BTRC: variants seen among roughly 807,000 people sequenced by gnomAD.
The protein encoded by BTRC is F-box/WD repeat-containing protein 1A.
Under a neutral mutation model 85.5 loss-of-function variants are expected in BTRC, and 42 were observed. That is an observed-to-expected ratio of 0.49 (90% confidence interval 0.38 to 0.64). The LOEUF is 0.64. Ranked by LOEUF, BTRC falls within the 30% of genes least tolerant of loss-of-function variation. BTRC has a pLI of 0.00. For synonymous variants in BTRC, 255 were observed against 263.3 expected (o/e 0.97, Z 0.30); for missense variants, 594 against 743.5 (o/e 0.80, Z 2.34).
chr10:101,367,669 G>T (rs1232438762), intron 1 of BTRC, among the ~76,000 whole-genome samples: 3 of 152,042 alleles, frequency 2.0e-5, no homozygotes, highest in African/African-American at 7.2e-5. Context: ...TACTGTTATT[G>T]GTATGTAAGC....
chr10:101,526,218 T>G lies in BTRC; in HGVS notation c.743+19T>G, dbSNP rs1342826597. 4 of 1,611,484 alleles carry G rather than the reference T, an allele frequency of 2.5e-6. No homozygotes were observed. The Admixed American group carries it at 6.7e-5, about 27-fold the overall frequency. On this transcript the variant is annotated intron_variant, in intron 6 of 14. Coordinates refer to ENST00000370187, the MANE Select transcript of BTRC (RefSeq NM_033637.4). ...GAGGATGGTGAGCCTTTAACTTTTC[T>G]TACTCTTATACGGCTTCAGGACCTG...
intron 4 of BTRC, among the ~76,000 whole-genome samples, chr10:101,509,289 C>T (rs1270465264): frequency 1.8e-5 from 2 of 108,612 alleles, no homozygotes; most frequent in African/African-American, 3.6e-5. Flanking sequence ...GAGTCTCGCT[C>T]TGTCGCCCAG....
intron 11 of BTRC, among the ~76,000 whole-genome samples, chr10:101,536,111 C>T (rs746799908): frequency 2.0e-5 from 3 of 152,170 alleles, no homozygotes; most frequent in Non-Finnish European, 4.4e-5. Context: ...GAAGAGCTGT[C>T]CTGGACAGTG....
intron 6 of BTRC, among the ~76,000 whole-genome samples, chr10:101,527,639 A>G (rs1009615151): frequency 6.6e-6 from 1 of 152,142 alleles, no homozygotes; most frequent in Non-Finnish European, 1.5e-5. Context: ...CTGTAATCCC[A>G]GCCACTCAGG....
intron 1 of BTRC, among the ~76,000 whole-genome samples, chr10:101,419,465 ATTG>A (rs1944038923): frequency 6.6e-6 from 1 of 152,042 alleles, no homozygotes. Flanking sequence ...TTCCAAGCTT[ATTG>A]TTGTTGGTGG....
chr10:101,398,514 A>C (rs1286198565), intron 1 of BTRC, among the ~76,000 whole-genome samples: 1 of 152,136 alleles, frequency 6.6e-6, no homozygotes, highest in Non-Finnish European at 1.5e-5. Flanking sequence ...CGTGTTAGCC[A>C]GGATGTTCTC....
At chr10:101,388,619 A>C (rs1036946751) in intron 1 of BTRC, among the ~76,000 whole-genome samples, 1 of 152,190 alleles carries the variant, frequency 6.6e-6, no homozygotes, top group South Asian at 2.1e-4. Flanking sequence ...CTTCCCAAGT[A>C]GCTGGGACTA....
chr10:101,433,516 G>A (rs1944452758), intron 2 of BTRC, among the ~76,000 whole-genome samples: 1 of 152,176 alleles, frequency 6.6e-6, no homozygotes. Context: ...GCCTAAGGAA[G>A]AGTCAGTGCA....
chr10:101,477,546 T>C (rs1446363287), intron 3 of BTRC, among the ~76,000 whole-genome samples: 1 of 152,166 alleles, frequency 6.6e-6, no homozygotes, highest in Non-Finnish European at 1.5e-5. Context: ...ACTCCTAGGC[T>C]CAAGTGATTC....
chr10:101,489,465 T>C (rs1946074207), intron 4 of BTRC, among the ~76,000 whole-genome samples: 1 of 152,204 alleles, frequency 6.6e-6, no homozygotes, highest in Non-Finnish European at 1.5e-5. Flanking sequence ...CTCTCTCGTT[T>C]GACAGTTTCA....
At chr10:101,547,220 T>G (rs1487582268) in intron 13 of BTRC, among the ~76,000 whole-genome samples, 1 of 152,112 alleles carries the variant, frequency 6.6e-6, no homozygotes, top group Non-Finnish European at 1.5e-5. Flanking sequence ...TGATTCATGC[T>G]TGAACCCGGG....
intron 13 of BTRC, among the ~76,000 whole-genome samples, chr10:101,543,216 G>T (rs191734716): frequency 1.3e-5 from 2 of 152,188 alleles, no homozygotes; most frequent in African/African-American, 2.4e-5. Context: ...GGGTACCTGC[G>T]TGCTTAGGAT....
intron 1 of BTRC, among the ~76,000 whole-genome samples, chr10:101,383,849 A>G (rs1238531612): frequency 6.6e-6 from 1 of 152,196 alleles, no homozygotes; most frequent in African/African-American, 2.4e-5. Flanking sequence ...CTATGTTGTA[A>G]TGAAAATGGT....
intron 2 of BTRC, among the ~76,000 whole-genome samples, chr10:101,453,909 T>C (rs1945010642): frequency 6.6e-6 from 1 of 152,224 alleles, no homozygotes; most frequent in Admixed American, 6.5e-5. Flanking sequence ...TGTGGCCACT[T>C]ACCTCTTCCG....
intron 4 of BTRC, among the ~76,000 whole-genome samples, chr10:101,491,849 C>T (rs1946142138): frequency 2.0e-5 from 3 of 151,976 alleles, no homozygotes; most frequent in African/African-American, 4.8e-5. Flanking sequence ...TCCTCTGTCT[C>T]GGAGAAAAGG....
At chr10:101,429,865 C>CT (rs1263164701) in intron 1 of BTRC, among the ~76,000 whole-genome samples, 3 of 123,656 alleles carry the variant, frequency 2.4e-5, no homozygotes, top group African/African-American at 8.0e-5. Context: ...TCTTTTCCTT[C>CT]TAAAAAAAAA....
At chr10:101,535,511 T>G in intron 11 of BTRC, 39 bp downstream of exon 11, 1 of 1,314,914 alleles carries the variant, frequency 7.6e-7, no homozygotes, top group South Asian at 1.2e-5. Context: ...GGATCAATAT[T>G]ATGCTCCCAT....
In BTRC at chr10:101,420,797, C is replaced by G. The variant is rs1019207027; in HGVS notation, c.49-9548C>G. ...TAGCTTGATGCCTCCTTTGCCTGTACTCACCTATTGAACTGTTCAGGTAGG... is the reference window on the plus strand; with the variant it reads ...TAGCTTGATGCCTCCTTTGCCTGTAGTCACCTATTGAACTGTTCAGGTAGG... On this transcript the variant is annotated intron_variant, in intron 1 of 14. Transcript: ENST00000370187. Among the ~76,000 whole-genome samples, 3 of 152,046 alleles carry G rather than the reference C, an allele frequency of 2.0e-5. No individual in the cohort carries two copies. The South Asian group carries it at 6.3e-4, about 32-fold the overall frequency.
chr10:101,478,315 T>A (rs1463218365), intron 3 of BTRC, among the ~76,000 whole-genome samples: 2 of 149,768 alleles, frequency 1.3e-5, no homozygotes, highest in Admixed American at 6.6e-5. Flanking sequence ...AAAAAAAAAA[T>A]AGGTAAGTGT....
Sources: gnomAD v4.1 joint callset for allele counts (sites outside exome capture counted in the v4.1 genomes callset) on GRCh38, gnomAD v4.1.1 for gene constraint, MANE v1.5 for transcripts, NCBI Gene and HGNC (gene_info 2026-07-23, HGNC 2026-07-21) for gene names.